The following CHMP6 variants were observed in gnomAD, a reference collection of about 807,000 sequenced individuals.
The protein encoded by CHMP6 is charged multivesicular body protein 6, also known as chromatin-modifying protein 6.
A neutral mutation model predicts 32.8 loss-of-function variants in CHMP6; 10 were observed. That is an observed-to-expected ratio of 0.30 (90% CI 0.19 to 0.52). CHMP6 has a LOEUF of 0.52. Ranked by LOEUF, CHMP6 falls within the 20% of genes least tolerant of loss-of-function variation. The pLI, the probability that CHMP6 is intolerant of heterozygous loss-of-function variation, is 0.97. For missense variants in CHMP6, 269 were observed against 263.8 expected (o/e 1.02, Z -0.14); for synonymous variants, 123 against 105.8 (o/e 1.16, Z -1.00).
intron 1 of CHMP6, among the ~76,000 whole-genome samples, chr17:80,992,444 C>T (rs1001235980): frequency 5.3e-5 from 8 of 152,234 alleles, no homozygotes; most frequent in Admixed American, 1.3e-4. Flanking sequence ...GGCCGGAGCC[C>T]CGGCGGTGCT....
At chr17:80,993,530 C>T (rs1373009804) in intron 1 of CHMP6, among the ~76,000 whole-genome samples, 1 of 152,234 alleles carries the variant, frequency 6.6e-6, no homozygotes, top group Admixed American at 6.5e-5. Context: ...CACTGGCTTC[C>T]CATGCGGAGT....
Position 80,997,355 on chromosome 17 carries a change from C to G in CHMP6, c.495+14C>G, listed in dbSNP as rs199925280. ...GCAATCACTCAGGTAACGGCCCCCC[C>G]GGGACTGAGCACAGTCACTCAGGCA... On this transcript the variant is annotated intron_variant, in intron 6 of 7. Coordinates refer to ENST00000325167, the MANE Select transcript of CHMP6 (RefSeq NM_024591.5). 6.5e-7 allele frequency: 1 copy of G among 1,537,388 alleles called. No individual in the cohort carries two copies. The highest frequency in any genetic ancestry group is 1.1e-5 in the South Asian group (1 of 88,248).
rs767174408 is a variant in CHMP6, at chr17:80,998,407, T to C, written c.537T>C (p.Pro179=). 2.5e-6 allele frequency: 4 copies of C among 1,614,210 alleles called. No individual in the cohort carries two copies. Among genetic ancestry groups the C allele is most frequent in the Non-Finnish European group, 3.4e-6 (4 of 1,180,018 alleles). The change falls in exon 7 of 8, where the codon CCT becomes CCC. Residue 179 remains proline (P), a synonymous_variant. Transcript: ENST00000325167. The part of the protein sequence containing the change: ...ELPEVPSEPL[P]EKIPENVPVK... The stretch of plus-strand genomic sequence containing the variant: ...CAGAGGTTCCCTCCGAGCCCCTTCC[T>C]GAGAAGATCCCAGGTATTTCCATGT...
Position 80,991,980 on chromosome 17 carries a change from T to C in CHMP6, c.62T>C (p.Leu21Pro). 7.0e-7 allele frequency: 1 copy of C among 1,432,512 alleles called. No homozygotes were observed. The highest frequency in any genetic ancestry group is 9.2e-7 in the Non-Finnish European group (1 of 1,082,524). The allele number at this position is 1,432,512 out of a possible 1,614,324, so 88.7% of individuals were successfully genotyped here. A position where few individuals can be genotyped will look rare whatever the true frequency, so the allele number is the denominator to read the frequency against. The change falls in exon 1 of 8, where the codon CTG (leucine) becomes CCG (proline). Residue 21 changes from leucine to proline, a missense_variant and splice_region_variant. Leu to Pro is a moderately conservative substitution (Grantham distance 98). Coordinates refer to ENST00000325167, the MANE Select transcript of CHMP6 (RefSeq NM_024591.5). ...GTCACGGAGCAGGACAAGGCCATCC[T>C]GGTGAGGGCCCGGGCCCGGGGTCAG... is the stretch of plus-strand genomic sequence containing the variant. ...SRVTEQDKAILQLKQQRDKLR... is the reference protein window; with the variant it reads ...SRVTEQDKAIPQLKQQRDKLR...
At chr17:80,993,410 A>AG (rs1162610453) in intron 1 of CHMP6, among the ~76,000 whole-genome samples, 1 of 152,120 alleles carries the variant, frequency 6.6e-6, no homozygotes, top group Non-Finnish European at 1.5e-5. Context: ...GGGGCTGGGC[A>AG]GGGGGCACCT....
rs1279698316 is a variant in CHMP6 at position 80,997,275 on chromosome 17, C to G, written c.429C>G (p.Leu143=). ...AVEYQRQIDE[L]LAGSFTQEDE... is the part of the protein sequence containing the mutation. ...TCCTTTTGCAGCAAATAGACGAGCT[C>G]CTGGCAGGAAGCTTCACTCAGGAGG... The change falls in exon 6 of 8, where the codon CTC becomes CTG. Residue 143 remains leucine (L), a synonymous_variant. Transcript: ENST00000325167. 1 of 1,613,716 alleles carries G rather than the reference C, an allele frequency of 6.2e-7. No individual in the cohort carries two copies.
At chr17:80,997,232 T>G (rs1258885237) in intron 5 of CHMP6, 29 bp from the exon 6 acceptor site, 1 of 1,613,192 alleles carries the variant, frequency 6.2e-7, no homozygotes, top group East Asian at 2.2e-5. Context: ...ACCTCCTCGC[T>G]GCTCTCACCA....
Position 80,997,367 on chromosome 17 carries a change from C to T in CHMP6, c.495+26C>T, listed in dbSNP as rs1245262559. On this transcript the variant is annotated intron_variant, in intron 6 of 7. Coordinates refer to ENST00000325167, the MANE Select transcript of CHMP6 (RefSeq NM_024591.5). ...GTAACGGCCCCCCCGGGACTGAGCA[C>T]AGTCACTCAGGCAGCGGGACCCCCA... 1.5e-5 allele frequency: 24 copies of T among 1,599,850 alleles called. 1 individual carries two copies. The highest frequency in any genetic ancestry group is 3.4e-5 in the Admixed American group (2 of 58,818).
intron 6 of CHMP6, 81 bp downstream of exon 6, chr17:80,997,422 T>C (rs1470974270): frequency 1.9e-5 from 12 of 631,510 alleles, no homozygotes; most frequent in Middle Eastern, 5.7e-4. Context: ...GCCCTGCCCA[T>C]GGTGATCTCG....
intron 6 of CHMP6, among the ~76,000 whole-genome samples, chr17:80,997,605 C>T (rs770910806): frequency 5.9e-5 from 9 of 152,098 alleles, no homozygotes; most frequent in Non-Finnish European, 1.0e-4. Context: ...TTTCTGTCCC[C>T]GGCTGTCACG....
intron 1 of CHMP6, among the ~76,000 whole-genome samples, chr17:80,993,587 C>T (rs2069611880): frequency 6.6e-6 from 1 of 152,258 alleles, no homozygotes; most frequent in East Asian, 1.9e-4. Context: ...TCCTCAGCCT[C>T]CTGCCTTAAG....
intron 5 of CHMP6, 32 bp from the exon 6 acceptor site, chr17:80,997,229 C>A (rs781108599): frequency 6.2e-7 from 1 of 1,612,818 alleles, no homozygotes. Flanking sequence ...GCCACCTCCT[C>A]GCTGCTCTCA....
At chr17:80,992,120 C>T (rs969023809) in intron 1 of CHMP6, 139 bp downstream of exon 1, 59 of 504,886 alleles carry the variant, frequency 1.2e-4, no homozygotes, top group Non-Finnish European at 1.6e-4. Flanking sequence ...GCAGCCGGGC[C>T]CCTCGGTCTC....
Position 80,991,980 on chromosome 17 carries a change from TG to T in CHMP6, c.63+1del. On this transcript the variant is annotated frameshift_variant and splice_region_variant, in exon 1 of 8. Coordinates refer to ENST00000325167, the MANE Select transcript of CHMP6 (RefSeq NM_024591.5). LOFTEE classifies it high-confidence loss of function. ...GTCACGGAGCAGGACAAGGCCATCC[TG>T]GTGAGGGCCCGGGCCCGGGGTCAGG... The part of the protein sequence containing the change: ...SRVTEQDKAI[L>X]QLKQQRDKLR... 1 of 1,432,508 alleles carries T rather than the reference TG, an allele frequency of 7.0e-7. No homozygotes were observed. Among genetic ancestry groups the T allele is most frequent in the Non-Finnish European group, 9.2e-7 (1 of 1,082,522 alleles). 88.7% of individuals were successfully genotyped at this position (1,432,508 alleles called of 1,614,324 possible). A position where few individuals can be genotyped will look rare whatever the true frequency, so the allele number is the denominator to read the frequency against.
In CHMP6 at chr17:80,999,881, T is replaced by C. The variant is rs2069670938; in HGVS notation, c.*728T>C. ...AGGTGCAGCCCCGGAAGTTTGTCCA[T>C]GGGGGTCCCCGCGGCTGGGGCTCAT... On this transcript the variant is annotated 3_prime_UTR_variant, in exon 8 of 8. Coordinates refer to ENST00000325167, the MANE Select transcript of CHMP6 (RefSeq NM_024591.5). 6.6e-6 allele frequency: 1 copy of C among 152,182 alleles called. No homozygotes were observed. Among genetic ancestry groups the C allele is most frequent in the African/African-American group, 2.4e-5 (1 of 41,410 alleles). The allele number at this position is 152,182 out of a possible 1,614,324, so 9.4% of individuals were successfully genotyped here.
chr17:80,995,074 A>G lies in CHMP6; in HGVS notation c.229A>G (p.Thr77Ala), dbSNP rs1340532521. The change falls in exon 3 of 8, where the codon ACG (threonine) becomes GCG (alanine). Residue 77 changes from threonine (T) to alanine (A), a missense_variant. By Grantham distance (58) the Thr-to-Ala change is moderately conservative. Coordinates refer to ENST00000325167, the MANE Select transcript of CHMP6 (RefSeq NM_024591.5). ...ATACCAGGAGCAGCTCCTGGACAGG[A>G]CGGAGAACCAGATCAGCAGCCTGGA... ...KRYQEQLLDR[T>A]ENQISSLEAM... is the part of the protein sequence containing the mutation. 1.2e-6 allele frequency: 2 copies of G among 1,602,914 alleles called. No individual in the cohort carries two copies. Among genetic ancestry groups the G allele is most frequent in the East Asian group, 4.5e-5 (2 of 44,368 alleles).
intron 6 of CHMP6, 119 bp downstream of exon 6, chr17:80,997,460 T>C (rs2069649046): frequency 1.7e-6 from 1 of 590,220 alleles, no homozygotes; most frequent in African/African-American, 2.0e-5. Context: ...GTAAATAGTC[T>C]GCGGTTTGTG....
intron 1 of CHMP6, among the ~76,000 whole-genome samples, chr17:80,992,334 G>A (rs2069599786): frequency 2.0e-5 from 3 of 152,076 alleles, no homozygotes; most frequent in African/African-American, 4.8e-5. Context: ...GCGCGGCGCT[G>A]GGCTTTCCCT....
chr17:80,995,631 C>A, intron 3 of CHMP6, 41 bp from the exon 4 acceptor site: 1 of 1,590,596 alleles, frequency 6.3e-7, no homozygotes, highest in South Asian at 1.1e-5. Flanking sequence ...GAGGGCACCC[C>A]GGATCCTCAG....
Sources: allele counts gnomAD v4.1 joint callset (sites outside exome capture counted in the v4.1 genomes callset), GRCh38; gene constraint gnomAD v4.1.1; transcripts MANE v1.5; gene names NCBI Gene and HGNC (gene_info 2026-07-23, HGNC 2026-07-21).